Variants in MS4A4A observed in about 807,000 individuals in gnomAD.
MS4A4A encodes membrane-spanning 4-domains subfamily A member 4A.
In MS4A4A, 26 loss-of-function variants were observed where a neutral mutation model predicts 28.0. The ratio of observed to expected loss-of-function variants is 0.93; its 90% CI spans 0.68 to 1.29. MS4A4A has a LOEUF of 1.29. MS4A4A is among the 50% of genes most tolerant of loss of function. The pLI, the probability that MS4A4A is intolerant of heterozygous loss-of-function variation, is 0.00. For synonymous variants in MS4A4A, 86 were observed against 100.8 expected, an observed-to-expected ratio of 0.85 and a Z score of 0.88; for missense variants, 290 against 293.1, an observed-to-expected ratio of 0.99 and a Z score of 0.08.
At chr11:60,304,197 T>C (rs1436416184) in intron 5 of MS4A4A, among the ~76,000 whole-genome samples, 2 of 152,200 alleles carry the variant, frequency 1.3e-5, no homozygotes, top group African/African-American at 4.8e-5. Context: ...TTACTTTTAG[T>C]TTACGAAGTT....
Position 60,302,524 on chromosome 11 carries a change from G to T in MS4A4A, c.388-35G>T, listed in dbSNP as rs201873799. 4.4e-4 allele frequency: 710 copies of T among 1,606,962 alleles called. 7 individuals are homozygous for T. The African/African-American group carries it at 7.2e-3, about 16-fold the overall frequency. ...TCATGGAGATATATCTGAGGATGTT[G>T]TTGGATTGTTTAATTGATTTTCATT... On this transcript the variant is annotated intron_variant, in intron 4 of 6. Transcript: ENST00000337908.
intron 1 of MS4A4A, among the ~76,000 whole-genome samples, chr11:60,289,679 G>T (rs766050878): frequency 3.3e-5 from 5 of 150,964 alleles, no homozygotes; most frequent in Non-Finnish European, 7.4e-5. Flanking sequence ...ACATTCTTTA[G>T]AATTCTAATC....
intron 1 of MS4A4A, 111 bp downstream of exon 1, chr11:60,280,827 G>T (rs2084749311): frequency 7.8e-7 from 1 of 1,281,420 alleles, no homozygotes; most frequent in South Asian, 1.3e-5. Flanking sequence ...CACTTCCCAT[G>T]ACCCAAGCTG....
At chr11:60,284,434 C>T (rs56157839) in intron 1 of MS4A4A, among the ~76,000 whole-genome samples, 28,257 of 152,170 alleles carry the variant, frequency 0.19, 3,003 homozygotes, top group Middle Eastern at 0.29. Flanking sequence ...CATGACCCTG[C>T]TCCAACCTTC....
At chr11:60,290,806 T>C (rs2084848719) in intron 1 of MS4A4A, among the ~76,000 whole-genome samples, 1 of 152,168 alleles carries the variant, frequency 6.6e-6, no homozygotes, top group South Asian at 2.1e-4. Context: ...GTTAGATAGC[T>C]AATAATTTAT....
At chr11:60,298,224 T>C (rs1272725794) in intron 3 of MS4A4A, among the ~76,000 whole-genome samples, 1 of 152,104 alleles carries the variant, frequency 6.6e-6, no homozygotes, top group Non-Finnish European at 1.5e-5. Context: ...ATAAGTTGGG[T>C]TTATGTTAGA....
At chr11:60,303,400 A>G (rs1157384489) in intron 5 of MS4A4A, among the ~76,000 whole-genome samples, 1 of 152,164 alleles carries the variant, frequency 6.6e-6, no homozygotes, top group Non-Finnish European at 1.5e-5. Flanking sequence ...AAAATGCACA[A>G]TTAAATCTTT....
At chr11:60,282,744 G>A (rs1344463412) in intron 1 of MS4A4A, 4 of 1,258,736 alleles carry the variant, frequency 3.2e-6, no homozygotes, top group Non-Finnish European at 4.1e-6. Flanking sequence ...TTCGAGGTAA[G>A]ACTACAATAG....
rs1025656321 is a variant in MS4A4A at position 60,302,606 on chromosome 11, A to G, written c.435A>G (p.Ala145=). The G allele has an allele frequency of 2.0e-5, 32 of 1,614,084 alleles. No individual in the cohort carries two copies. The highest frequency in any genetic ancestry group is 2.6e-5 in the Non-Finnish European group (31 of 1,180,040). ...GMNITSSVLA[A]SGILINTFSL... is the part of the protein sequence containing the mutation. ...ATATCACCAGCTCTGTACTGGCTGC[A>G]TCAGGGATCTTAATCAACACATTTA... Residue 145 remains alanine, a synonymous_variant, in exon 5 of 7, where the codon GCA becomes GCG. Transcript: ENST00000337908.
At chr11:60,300,904 A>T (rs2084947824) in intron 3 of MS4A4A, 97 bp from the exon 4 acceptor site, 1 of 856,048 alleles carries the variant, frequency 1.2e-6, no homozygotes, top group African/African-American at 1.7e-5. Flanking sequence ...AATTGGTCTG[A>T]TTAACATATC....
intron 1 of MS4A4A, among the ~76,000 whole-genome samples, chr11:60,282,034 G>A (rs2084759361): frequency 6.6e-6 from 1 of 152,148 alleles, no homozygotes; most frequent in Admixed American, 6.5e-5. Flanking sequence ...TTCTGTGGTG[G>A]AAAAAGAGGA....
At chr11:60,294,357 T>C (rs2084884007) in intron 2 of MS4A4A, among the ~76,000 whole-genome samples, 1 of 152,208 alleles carries the variant, frequency 6.6e-6, no homozygotes, top group Non-Finnish European at 1.5e-5. Flanking sequence ...TGGGTAACGA[T>C]CCTTTGTCAG....
chr11:60,303,032 T>C (rs1235816113), intron 5 of MS4A4A, among the ~76,000 whole-genome samples: 4 of 152,224 alleles, frequency 2.6e-5, no homozygotes, highest in African/African-American at 9.6e-5. Context: ...GTACGTACTG[T>C]TATCCCCTCT....
chr11:60,304,476 G>A (rs941402757), intron 5 of MS4A4A, among the ~76,000 whole-genome samples: 1 of 152,194 alleles, frequency 6.6e-6, no homozygotes, highest in African/African-American at 2.4e-5. Flanking sequence ...TGTTAATTGT[G>A]TGAACATCTT....
intron 3 of MS4A4A, 113 bp downstream of exon 3, chr11:60,297,438 G>C: frequency 1.7e-6 from 2 of 1,200,564 alleles, no homozygotes; most frequent in Middle Eastern, 2.2e-4. Flanking sequence ...TCTGAGAGTG[G>C]TATCTAACCA....
chr11:60,300,825 G>A (rs552936185), intron 3 of MS4A4A, among the ~76,000 whole-genome samples, 176 bp from the exon 4 acceptor site: 19 of 152,054 alleles, frequency 1.2e-4, no homozygotes, highest in African/African-American at 3.9e-4. Flanking sequence ...GATTTATCTG[G>A]TATTATTTCT....
chr11:60,292,687 T>C (rs1003917493), intron 2 of MS4A4A, among the ~76,000 whole-genome samples: 3 of 152,176 alleles, frequency 2.0e-5, no homozygotes, highest in Non-Finnish European at 2.9e-5. Context: ...TATGCACTAC[T>C]AGCTGACGCC....
intron 6 of MS4A4A, among the ~76,000 whole-genome samples, chr11:60,306,917 C>T (rs1784413561): frequency 6.6e-6 from 1 of 152,146 alleles, no homozygotes; most frequent in South Asian, 2.1e-4. Flanking sequence ...GCCCACCTGC[C>T]CACTCTTTTA....
intron 2 of MS4A4A, among the ~76,000 whole-genome samples, chr11:60,293,121 A>T (rs1343745988): frequency 6.6e-6 from 1 of 152,122 alleles, no homozygotes. Flanking sequence ...GCAGTGGCAC[A>T]ATCTGGGCTC....
Sources: gnomAD v4.1 joint callset for allele counts (sites outside exome capture counted in the v4.1 genomes callset) on GRCh38, gnomAD v4.1.1 for gene constraint, MANE v1.5 for transcripts, NCBI Gene and HGNC (gene_info 2026-07-23, HGNC 2026-07-21) for gene names.